VPS45: variants seen among roughly 807,000 people sequenced by gnomAD.
VPS45 encodes the protein vacuolar protein sorting-associated protein 45.
Under a neutral mutation model 75.9 loss-of-function variants are expected in VPS45, and 35 were observed. The ratio of observed to expected loss-of-function variants is 0.46; its 90% CI spans 0.35 to 0.61. The LOEUF (loss-of-function observed/expected upper bound fraction) is 0.61, where lower values mean the gene tolerates loss of function less well. VPS45 is among the 20% of genes least tolerant of loss of function. The probability of loss-of-function intolerance (pLI) is 0.00; values close to 1 mark genes in which losing one functional copy is unlikely to be tolerated. For missense variants in VPS45, 559 were observed against 685.9 expected, an observed-to-expected ratio of 0.81 and a Z score of 2.07; for synonymous variants, 220 against 238.2, an observed-to-expected ratio of 0.92 and a Z score of 0.70.
At chr1:150,136,872 G>T (rs1288696118) in intron 14 of VPS45, among the ~76,000 whole-genome samples, 1 of 151,900 alleles carries the variant, frequency 6.6e-6, no homozygotes, top group Non-Finnish European at 1.5e-5. Context: ...ATCTCTGTGT[G>T]TGAGATGCCT....
intron 14 of VPS45, among the ~76,000 whole-genome samples, chr1:150,136,203 C>T (rs948449950): frequency 6.4e-5 from 9 of 140,438 alleles, no homozygotes; most frequent in East Asian, 2.1e-4. Context: ...GAGCCGAGAT[C>T]GTCCCACTGC....
At chr1:150,107,137 T>C (rs1657372349) in intron 13 of VPS45, among the ~76,000 whole-genome samples, 1 of 152,180 alleles carries the variant, frequency 6.6e-6, no homozygotes, top group Non-Finnish European at 1.5e-5. Context: ...CTTTTGGTTT[T>C]CTTCTCATTC....
intron 5 of VPS45, 38 bp from the exon 6 acceptor site, chr1:150,077,056 T>A: frequency 1.2e-6 from 2 of 1,613,150 alleles, no homozygotes; most frequent in South Asian, 1.1e-5. Context: ...AAGAGAAAAT[T>A]CAAATATTTT....
At chr1:150,100,492 C>T (rs112238813) in intron 13 of VPS45, among the ~76,000 whole-genome samples, 16,105 of 152,130 alleles carry the variant, frequency 0.11, 1,202 homozygotes, top group Non-Finnish European at 0.17. Context: ...TTTTAAAATT[C>T]ATATGGAACC....
rs183564218 is a variant in VPS45, at chr1:150,106,674, T to G, written c.1494-3822T>G. Among the ~76,000 whole-genome samples, 836 of 150,646 alleles carry G rather than the reference T, an allele frequency of 5.5e-3. 7 individuals are homozygous for G. The highest frequency in any genetic ancestry group is 0.027 in the Middle Eastern group (8 of 294). The stretch of plus-strand genomic sequence containing the variant: ...CCCCATCACCCCATTATTTTCAGCT[T>G]CTTCTCTGCCGACTTCTTTTCCACA... On this transcript the variant is annotated intron_variant, in intron 13 of 14. Transcript: ENST00000644510.
intron 10 of VPS45, among the ~76,000 whole-genome samples, chr1:150,091,161 C>T (rs1553801876): frequency 3.3e-5 from 5 of 152,176 alleles, no homozygotes. Flanking sequence ...CTTTGATCAT[C>T]CTTCACCCCA....
intron 10 of VPS45, among the ~76,000 whole-genome samples, chr1:150,084,315 G>A (rs3904949): frequency 0.016 from 2,471 of 152,212 alleles, 64 homozygotes; most frequent in African/African-American, 0.057. Flanking sequence ...GGTGAGGAAG[G>A]CAGTATTTTA....
chr1:150,139,623 C>T (rs1659279709), intron 14 of VPS45, among the ~76,000 whole-genome samples: 1 of 152,152 alleles, frequency 6.6e-6, no homozygotes, highest in Non-Finnish European at 1.5e-5. Context: ...TCATAGCTCA[C>T]TGCAGTCTCT....
chr1:150,091,141 A>G (rs1348811986), intron 10 of VPS45, among the ~76,000 whole-genome samples: 1 of 152,186 alleles, frequency 6.6e-6, no homozygotes, highest in Non-Finnish European at 1.5e-5. Flanking sequence ...TAGCAGAATA[A>G]ATTATATTAC....
intron 14 of VPS45, among the ~76,000 whole-genome samples, chr1:150,137,366 C>G (rs587699746): frequency 1.3e-5 from 2 of 152,314 alleles, no homozygotes; most frequent in South Asian, 4.1e-4. Context: ...CCACTTTATA[C>G]TAAGGATGAA....
At chr1:150,107,432 T>G (rs1276589406) in intron 13 of VPS45, among the ~76,000 whole-genome samples, 4 of 152,220 alleles carry the variant, frequency 2.6e-5, no homozygotes, top group African/African-American at 9.6e-5. Context: ...GAAGAATATG[T>G]ATTTTTTTGT....
chr1:150,079,007 A>T (rs1655547559), intron 7 of VPS45, among the ~76,000 whole-genome samples: 1 of 150,276 alleles, frequency 6.7e-6, no homozygotes, highest in Non-Finnish European at 1.5e-5. Context: ...GCTACTCAGG[A>T]TGCTGAGGCA....
chr1:150,072,348 A>T lies in VPS45; in HGVS notation c.289+122A>T, dbSNP rs587732037. On this transcript the variant is annotated intron_variant, in intron 3 of 14. Coordinates refer to ENST00000644510, the MANE Select transcript of VPS45 (RefSeq NM_007259.5). ...TCACTATAAAAGTCTAGTTTATTTAATGTCCTTCCAAAGTATTAAAAATCT... is the reference window on the plus strand; with the variant it reads ...TCACTATAAAAGTCTAGTTTATTTATTGTCCTTCCAAAGTATTAAAAATCT... The T allele has an allele frequency of 7.2e-5, 50 of 690,046 alleles. No individual in the cohort carries two copies. In the African/African-American group the frequency reaches 9.1e-4, roughly 13 times the overall value. 42.7% of individuals were successfully genotyped at this position (690,046 alleles called of 1,614,324 possible).
intron 14 of VPS45, among the ~76,000 whole-genome samples, chr1:150,121,961 G>A (rs1559936260): frequency 6.6e-6 from 1 of 152,186 alleles, no homozygotes; most frequent in Non-Finnish European, 1.5e-5. Context: ...GAAATTGATA[G>A]TGCTTGGGGA....
intron 14 of VPS45, among the ~76,000 whole-genome samples, chr1:150,137,389 C>T (rs1659167657): frequency 6.6e-6 from 1 of 152,170 alleles, no homozygotes; most frequent in African/African-American, 2.4e-5. Flanking sequence ...AAGTAATACT[C>T]AAGATGTGCA....
At chr1:150,136,927 C>T (rs1659135237) in intron 14 of VPS45, among the ~76,000 whole-genome samples, 1 of 152,084 alleles carries the variant, frequency 6.6e-6, no homozygotes, top group Non-Finnish European at 1.5e-5. Context: ...GAGACAGGGT[C>T]TCACCCTATC....
intron 7 of VPS45, among the ~76,000 whole-genome samples, chr1:150,079,414 G>T (rs1324620687): frequency 6.6e-6 from 1 of 152,042 alleles, no homozygotes; most frequent in African/African-American, 2.4e-5. Context: ...TTTTGTATGT[G>T]TGTATGTATT....
chr1:150,122,903 G>A (rs1553809935), intron 14 of VPS45, among the ~76,000 whole-genome samples: 3 of 149,086 alleles, frequency 2.0e-5, no homozygotes, highest in Admixed American at 1.4e-4. Context: ...GGGGGCTGAG[G>A]CAGGAGAATT....
At chr1:150,138,663 G>A (rs933883467) in intron 14 of VPS45, among the ~76,000 whole-genome samples, 4 of 152,078 alleles carry the variant, frequency 2.6e-5, no homozygotes, top group Non-Finnish European at 5.9e-5. Context: ...TCTGCCAAAT[G>A]TCCCCTGAGA....
Sources: allele counts gnomAD v4.1 joint callset (sites outside exome capture counted in the v4.1 genomes callset), GRCh38; gene constraint gnomAD v4.1.1; transcripts MANE v1.5; gene names NCBI Gene and HGNC (gene_info 2026-07-23, HGNC 2026-07-21).